Variants in ARNT2 observed in about 807,000 individuals in gnomAD.
The protein encoded by ARNT2 is ARNT protein 2.
Under a neutral mutation model 91.7 loss-of-function variants are expected in ARNT2, and 36 were observed. The observed-to-expected ratio is 0.39, with a 90% CI of 0.30 to 0.52. The LOEUF is 0.52. Among genes scored for constraint, ARNT2 ranks in the 20% least tolerant of loss-of-function variants. The pLI is 0.72. For synonymous variants in ARNT2, 365 were observed against 347.1 expected (o/e 1.05, Z -0.57); for missense variants, 775 against 939.3 (o/e 0.83, Z 2.29).
chr15:80,582,098 T>C (rs1344173981), intron 17 of ARNT2, among the ~76,000 whole-genome samples: 2 of 152,248 alleles, frequency 1.3e-5, no homozygotes, highest in Admixed American at 6.5e-5. Flanking sequence ...CTCTACAGAA[T>C]TGATTCCTCA....
At chr15:80,588,502 T>C (rs1893217502) in intron 17 of ARNT2, among the ~76,000 whole-genome samples, 1 of 152,112 alleles carries the variant, frequency 6.6e-6, no homozygotes, top group South Asian at 2.1e-4. Flanking sequence ...TCAGTGTTTC[T>C]CTGTTGTCCC....
intron 12 of ARNT2, among the ~76,000 whole-genome samples, chr15:80,568,424 G>T (rs567546137): frequency 2.6e-5 from 4 of 152,242 alleles, no homozygotes; most frequent in African/African-American, 4.8e-5. Context: ...CACACCTGTT[G>T]GTCGTGCTCG....
At chr15:80,512,179 A>C (rs1457846133) in intron 6 of ARNT2, among the ~76,000 whole-genome samples, 1 of 152,222 alleles carries the variant, frequency 6.6e-6, no homozygotes, top group Non-Finnish European at 1.5e-5. Flanking sequence ...GTTTATGTAC[A>C]GGCTGGTTGG....
chr15:80,472,497 C>T (rs901427842), intron 4 of ARNT2, among the ~76,000 whole-genome samples: 1 of 152,208 alleles, frequency 6.6e-6, no homozygotes, highest in Non-Finnish European at 1.5e-5. Flanking sequence ...GGATGAGGAA[C>T]TAACGTTTAT....
chr15:80,536,528 G>C (rs1314789084), intron 8 of ARNT2, among the ~76,000 whole-genome samples: 2 of 152,202 alleles, frequency 1.3e-5, no homozygotes, highest in African/African-American at 4.8e-5. Context: ...CACAGCTGCT[G>C]ATATTCACCC....
intron 5 of ARNT2, among the ~76,000 whole-genome samples, chr15:80,494,976 G>A (rs2098730056): frequency 6.6e-6 from 1 of 152,176 alleles, no homozygotes; most frequent in African/African-American, 2.4e-5. Context: ...GGGACAAAGG[G>A]ATTGACATGC....
chr15:80,557,412 G>C (rs1898211882), intron 11 of ARNT2, among the ~76,000 whole-genome samples: 1 of 152,118 alleles, frequency 6.6e-6, no homozygotes, highest in Non-Finnish European at 1.5e-5. Context: ...CTCCACACTT[G>C]CTTATACACC....
At chr15:80,593,197 T>C (rs1893312072) in intron 18 of ARNT2, among the ~76,000 whole-genome samples, 1 of 152,148 alleles carries the variant, frequency 6.6e-6, no homozygotes, top group African/African-American at 2.4e-5. Context: ...GCCAGCCAGG[T>C]CTCCACATAC....
intron 2 of ARNT2, among the ~76,000 whole-genome samples, chr15:80,451,454 G>GTTGGCA (rs112860909): frequency 0.015 from 2,337 of 152,338 alleles, 73 homozygotes; most frequent in African/African-American, 0.053. Flanking sequence ...AGACCAGACA[G>GTTGGCA]TTGGCATTGT....
At chr15:80,505,475 A>G (rs1460694986) in intron 5 of ARNT2, among the ~76,000 whole-genome samples, 1 of 152,238 alleles carries the variant, frequency 6.6e-6, no homozygotes, top group South Asian at 2.1e-4. Context: ...GGAGTTTTTC[A>G]TATTCATTAT....
chr15:80,470,131 G>C, intron 3 of ARNT2, 87 bp from the exon 4 acceptor site: 1 of 1,331,070 alleles, frequency 7.5e-7, no homozygotes, highest in Non-Finnish European at 1.0e-6. Context: ...GTCATTTGGT[G>C]TTAATGGTTT....
intron 1 of ARNT2, among the ~76,000 whole-genome samples, chr15:80,438,198 C>T (rs1225711141): frequency 2.6e-5 from 4 of 152,172 alleles, no homozygotes; most frequent in Non-Finnish European, 5.9e-5. Flanking sequence ...TGTATCTAGA[C>T]CTTGCCCGCT....
intron 1 of ARNT2, among the ~76,000 whole-genome samples, chr15:80,424,281 C>A (rs1368999866): frequency 2.0e-5 from 3 of 152,164 alleles, no homozygotes; most frequent in Non-Finnish European, 4.4e-5. Flanking sequence ...AGAAGGGAGA[C>A]GAGGACAGGA....
At chr15:80,436,487 G>A (rs1029271903) in intron 1 of ARNT2, 3 of 154,412 alleles carry the variant, frequency 1.9e-5, no homozygotes, top group African/African-American at 7.2e-5. Flanking sequence ...CACCTCCATA[G>A]GGTTTGAGTT....
chr15:80,563,984 C>T (rs1260390249), intron 12 of ARNT2, among the ~76,000 whole-genome samples: 1 of 152,206 alleles, frequency 6.6e-6, no homozygotes, highest in African/African-American at 2.4e-5. Flanking sequence ...GCCTCCTCTG[C>T]ATTTAATCTC....
chr15:80,548,553 C>T (rs530899931), intron 8 of ARNT2, among the ~76,000 whole-genome samples: 11 of 152,040 alleles, frequency 7.2e-5, no homozygotes, highest in South Asian at 2.1e-4. Flanking sequence ...AGTGATAAAA[C>T]GGAAACAAAT....
chr15:80,463,179 G>A (rs1051887661), intron 3 of ARNT2, among the ~76,000 whole-genome samples: 17 of 152,220 alleles, frequency 1.1e-4, no homozygotes, highest in Non-Finnish European at 1.2e-4. Context: ...TTCCAAGGCA[G>A]AGAGGATGAC....
At chr15:80,522,760 C>CATATAT (rs60138286) in intron 8 of ARNT2, among the ~76,000 whole-genome samples, 275 of 144,528 alleles carry the variant, frequency 1.9e-3, no homozygotes, top group African/African-American at 2.7e-3. Context: ...TGTACATACA[C>CATATAT]ATATATATAT....
chr15:80,476,254 G>C (rs375320927), intron 5 of ARNT2, among the ~76,000 whole-genome samples: 2 of 152,164 alleles, frequency 1.3e-5, no homozygotes, highest in South Asian at 2.1e-4. Context: ...ATGTGGATGA[G>C]TGTGGCTAAT....
Sources: allele counts gnomAD v4.1 joint callset (sites outside exome capture counted in the v4.1 genomes callset), GRCh38; gene constraint gnomAD v4.1.1; transcripts MANE v1.5; gene names NCBI Gene and HGNC (gene_info 2026-07-23, HGNC 2026-07-21).